CLINT1: variants seen among roughly 807,000 people sequenced by gnomAD.
CLINT1 encodes the protein clathrin interactor 1.
A neutral mutation model predicts 70.4 loss-of-function variants in CLINT1; 15 were observed. The observed-to-expected ratio is 0.21, with a 90% CI of 0.14 to 0.33. The LOEUF is 0.33. Ranked by LOEUF, CLINT1 falls within the 10% of genes least tolerant of loss-of-function variation. CLINT1 has a pLI of 1.00. For missense variants in CLINT1, 615 were observed against 778.1 expected, an observed-to-expected ratio of 0.79 and a Z score of 2.49; for synonymous variants, 227 against 254.7, an observed-to-expected ratio of 0.89 and a Z score of 1.04.
chr5:157,796,971 C>A (rs895952876), intron 8 of CLINT1, among the ~76,000 whole-genome samples: 1 of 152,014 alleles, frequency 6.6e-6, no homozygotes, highest in African/African-American at 2.4e-5. Context: ...ATCTACACTA[C>A]AGCTTAGTCT....
chr5:157,815,980 T>A (rs3097834), intron 3 of CLINT1, among the ~76,000 whole-genome samples: 1 of 151,964 alleles, frequency 6.6e-6, no homozygotes, highest in Non-Finnish European at 1.5e-5. Flanking sequence ...AAGGAGTTTA[T>A]CCAAGAATTT....
chr5:157,793,556 A>G (rs977281906), intron 9 of CLINT1, among the ~76,000 whole-genome samples: 5 of 152,224 alleles, frequency 3.3e-5, no homozygotes, highest in Non-Finnish European at 7.4e-5. Context: ...CTTAGGCAAC[A>G]TTAACATATT....
At chr5:157,821,923 A>G (rs1762889976) in intron 1 of CLINT1, among the ~76,000 whole-genome samples, 1 of 152,160 alleles carries the variant, frequency 6.6e-6, no homozygotes, top group African/African-American at 2.4e-5. Flanking sequence ...GCTTTTACTC[A>G]TTTTCACATT....
rs201922408 is a variant in CLINT1 at position 157,787,815 on chromosome 5, G to A, written c.1709C>T (p.Pro570Leu). Residue 570 changes from proline (P) to leucine (L), a missense_variant, in exon 12 of 12, where the codon CCG (proline) becomes CTG (leucine). Around this residue, in one of 2 missense-constraint regions of CLINT1, gnomAD observed 374 missense variants for 409.6 expected, o/e 0.91. Transcript: ENST00000411809. ...GCCCATCATGCTCTGGTTCATCATCGGAGTATTTCCAAGAGGGGCCATTCC... is the reference window on the plus strand; with the variant it reads ...GCCCATCATGCTCTGGTTCATCATCAGAGTATTTCCAAGAGGGGCCATTCC... ...TMGMAPLGNT[P>L]MMNQSMMGMN... 108 of 1,613,894 alleles carry A rather than the reference G, an allele frequency of 6.7e-5. No individual in the cohort carries two copies. In the African/African-American group the frequency reaches 1.0e-3, roughly 16 times the overall value.
At chr5:157,818,467 T>TA (rs929415179) in intron 1 of CLINT1, among the ~76,000 whole-genome samples, 18,990 of 87,952 alleles carry the variant, frequency 0.22, 1,728 homozygotes, top group African/African-American at 0.24. Flanking sequence ...ACCTGGTCTC[T>TA]AAAAAAAAAA....
At chr5:157,856,123 A>C in intron 1 of CLINT1, among the ~76,000 whole-genome samples, 1 of 152,226 alleles carries the variant, frequency 6.6e-6, no homozygotes, top group Non-Finnish European at 1.5e-5. Context: ...AAAATATTTA[A>C]GTATAACATT....
Position 157,787,549 on chromosome 5 carries a change from G to T in CLINT1, c.*97C>A. On this transcript the variant is annotated 3_prime_UTR_variant, in exon 12 of 12. Coordinates refer to ENST00000411809, the MANE Select transcript of CLINT1 (RefSeq NM_014666.4). ...TTATGTAGATTTATTTTAATTACTT[G>T]ATAAAAGAAAGGGTAGTTGATTAGC... The T allele has an allele frequency of 1.0e-6, 1 of 993,108 alleles. No homozygotes were observed. The highest frequency in any genetic ancestry group is 1.5e-6 in the Non-Finnish European group (1 of 659,666). 61.5% of individuals were successfully genotyped at this position (993,108 alleles called of 1,614,324 possible). A position where few individuals can be genotyped will look rare whatever the true frequency, so the allele number is the denominator to read the frequency against.
chr5:157,837,236 T>C (rs1763452302), intron 1 of CLINT1, among the ~76,000 whole-genome samples: 1 of 152,124 alleles, frequency 6.6e-6, no homozygotes, highest in South Asian at 2.1e-4. Context: ...ACCCTGCCTC[T>C]ACAAAGTATA....
At chr5:157,794,176 C>T (rs1762000684) in intron 9 of CLINT1, among the ~76,000 whole-genome samples, 1 of 152,050 alleles carries the variant, frequency 6.6e-6, no homozygotes, top group Non-Finnish European at 1.5e-5. Flanking sequence ...ACACTATCCT[C>T]AAAAAGAACC....
chr5:157,830,236 C>T (rs1319753507), intron 1 of CLINT1, among the ~76,000 whole-genome samples: 4 of 152,220 alleles, frequency 2.6e-5, no homozygotes. Flanking sequence ...GCATCATCCA[C>T]TGCAACCAGT....
At chr5:157,795,472 T>C (rs1049910518) in intron 8 of CLINT1, 6 of 152,934 alleles carry the variant, frequency 3.9e-5, no homozygotes, top group African/African-American at 1.4e-4. Context: ...TTAACATTAA[T>C]ACTGTTTTAA....
chr5:157,831,302 C>T (rs1009033717), intron 1 of CLINT1, among the ~76,000 whole-genome samples: 3 of 151,350 alleles, frequency 2.0e-5, no homozygotes, highest in African/African-American at 7.3e-5. Flanking sequence ...ATTCTCCTGC[C>T]TCAGCCTCTG....
At chr5:157,809,885 TTTTCC>T in intron 5 of CLINT1, 80 bp from the exon 6 acceptor site, 1 of 1,329,998 alleles carries the variant, frequency 7.5e-7, no homozygotes, top group Non-Finnish European at 1.0e-6. Context: ...TTTCTCAGGC[TTTTCC>T]TCATAATAAA....
intron 8 of CLINT1, among the ~76,000 whole-genome samples, chr5:157,802,773 T>C (rs1205047736): frequency 6.6e-6 from 1 of 152,162 alleles, no homozygotes; most frequent in Non-Finnish European, 1.5e-5. Context: ...CTCGAACTCC[T>C]GATCTCAGGT....
At chr5:157,811,543 AAG>A (rs1762558662) in intron 5 of CLINT1, among the ~76,000 whole-genome samples, 1 of 149,586 alleles carries the variant, frequency 6.7e-6, no homozygotes, top group African/African-American at 2.5e-5. Flanking sequence ...AAAAAAAAAA[AAG>A]AAAAGAAAAA....
intron 6 of CLINT1, among the ~76,000 whole-genome samples, 183 bp from the exon 7 acceptor site, chr5:157,806,295 G>A (rs1762382149): frequency 6.6e-6 from 1 of 152,062 alleles, no homozygotes; most frequent in Non-Finnish European, 1.5e-5. Flanking sequence ...GCGCTGGGGA[G>A]GGGAAGTGGA....
chr5:157,844,641 C>T (rs1335959318), intron 1 of CLINT1, among the ~76,000 whole-genome samples: 1 of 152,160 alleles, frequency 6.6e-6, no homozygotes, highest in Non-Finnish European at 1.5e-5. Flanking sequence ...GATTAAAGAA[C>T]ATTATTCCAA....
rs1220943032 is a variant in CLINT1 at position 157,833,350 on chromosome 5, C to CA, written c.42-15804dup. On this transcript the variant is annotated intron_variant, in intron 1 of 11. Transcript: ENST00000411809. Reference sequence around the variant, plus strand: ...TGGGTGACAGAGAGAAACTCTGTCTCAAAAAAAAAAAAAGGAGGAAGTTCA... The same window carrying CA: ...TGGGTGACAGAGAGAAACTCTGTCTCAAAAAAAAAAAAAAGGAGGAAGTTCA... Among the ~76,000 whole-genome samples, 512 of 107,298 alleles carry CA rather than the reference C, an allele frequency of 4.8e-3. 3 individuals carry two copies. The highest frequency in any genetic ancestry group is 0.011 in the Middle Eastern group (2 of 190). The allele number at this position is 107,298 out of a possible 152,430, so 70.4% of individuals were successfully genotyped here.
intron 1 of CLINT1, among the ~76,000 whole-genome samples, chr5:157,849,234 C>T (rs192182484): frequency 3.5e-4 from 54 of 152,290 alleles, no homozygotes; most frequent in African/African-American, 1.3e-3. Flanking sequence ...ATTGCCACAG[C>T]CACCCCAAAC....
Sources: gnomAD v4.1 joint callset for allele counts (sites outside exome capture counted in the v4.1 genomes callset) on GRCh38, gnomAD v4.1.1 for gene constraint, gnomAD v4.1.1 regional missense constraint, MANE v1.5 for transcripts, NCBI Gene and HGNC (gene_info 2026-07-23, HGNC 2026-07-21) for gene names.